NLRP13: variants seen among roughly 807,000 people sequenced by gnomAD.
NLRP13 encodes NLR family pyrin domain containing 13.
In NLRP13, 82 loss-of-function variants were observed where a neutral mutation model predicts 94.4. The observed-to-expected ratio is 0.87, with a 90% CI of 0.73 to 1.04. NLRP13 has a LOEUF of 1.04. Among genes scored for constraint, NLRP13 ranks in the 50% least tolerant of loss-of-function variants. The pLI, the probability that NLRP13 is intolerant of heterozygous loss-of-function variation, is 0.00. For synonymous variants in NLRP13, 553 were observed against 464.7 expected (o/e 1.19, Z -2.45); for missense variants, 1,426 against 1,230.8 (o/e 1.16, Z -2.37).
intron 1 of NLRP13, among the ~76,000 whole-genome samples, chr19:55,930,104 C>T (rs935989544): frequency 6.6e-6 from 1 of 152,116 alleles, no homozygotes; most frequent in Non-Finnish European, 1.5e-5. Context: ...CCGCATGCCC[C>T]GTGTCCAGGG....
chr19:55,897,790 TGAGGTGGCTGGTAAACCCCAACAATGCTG>T (rs1233983182), intron 10 of NLRP13, among the ~76,000 whole-genome samples: 1 of 152,164 alleles, frequency 6.6e-6, no homozygotes, highest in Non-Finnish European at 1.5e-5. Flanking sequence ...AATAGAGGTT[TGAGGTGGCTGGTAAACCCCAACAATGCTG>T]GAGGTGGTTT....
chr19:55,896,923 A>T (rs961233435), intron 10 of NLRP13, among the ~76,000 whole-genome samples: 4 of 152,002 alleles, frequency 2.6e-5, no homozygotes, highest in Non-Finnish European at 5.9e-5. Flanking sequence ...CCATCTATCA[A>T]TCTTATCAAA....
intron 3 of NLRP13, 105 bp downstream of exon 3, chr19:55,924,485 T>C (rs932907161): frequency 2.5e-6 from 2 of 784,706 alleles, no homozygotes; most frequent in Admixed American, 2.2e-5. Context: ...TAATTTTTTA[T>C]GTACCATAAA....
At chr19:55,900,607 T>TAA (rs3073242) in intron 9 of NLRP13, among the ~76,000 whole-genome samples, 81,148 of 148,406 alleles carry the variant, frequency 0.55, 22,685 homozygotes, top group Middle Eastern at 0.7. Context: ...CCATCTGTAC[T>TAA]AAAAAAAAAA....
rs141648586 is a variant in NLRP13 at position 55,913,304 on chromosome 19, C to T, written c.524-11G>A. On this transcript the variant is annotated splice_polypyrimidine_tract_variant and intron_variant, in intron 4 of 10. Coordinates refer to ENST00000342929, the MANE Select transcript of NLRP13 (RefSeq NM_176810.2). ...ATTTTCTTCTGTGGTCTAGAGAGGGCGGAGTGGGGAGAAGAATGGTAAGAA... is the reference window on the plus strand; with the variant it reads ...ATTTTCTTCTGTGGTCTAGAGAGGGTGGAGTGGGGAGAAGAATGGTAAGAA... 4.1e-4 allele frequency: 657 copies of T among 1,605,416 alleles called. No individual in the cohort carries two copies. The African/African-American group carries it at 6.7e-3, about 16-fold the overall frequency.
intron 1 of NLRP13, among the ~76,000 whole-genome samples, chr19:55,931,468 G>A (rs1261026371): frequency 2.0e-5 from 3 of 151,924 alleles, no homozygotes; most frequent in East Asian, 3.9e-4. Flanking sequence ...CAGTGCTTTG[G>A]GAGGTCGAGG....
intron 5 of NLRP13, among the ~76,000 whole-genome samples, chr19:55,911,087 C>A (rs1986496636): frequency 6.6e-6 from 1 of 152,200 alleles, no homozygotes; most frequent in South Asian, 2.1e-4. Flanking sequence ...CCCCTAGCTT[C>A]CATGATCCAC....
At chr19:55,894,043 C>CTTTTTTTTT (rs36039690), downstream of NLRP13, among the ~76,000 whole-genome samples, 1 of 112,930 alleles carries the variant, frequency 8.9e-6, no homozygotes, top group African/African-American at 3.6e-5. Flanking sequence ...CATGCCCCAA[C>CTTTTTTTTT]TTTTTTTTTT....
Position 55,911,809 on chromosome 19 carries a change from C to A in NLRP13, c.2008G>T (p.Glu670Ter). ...EVDLNILEDEELQASSFCLKH... is the reference protein window; with the variant it reads ...EVDLNILEDE Reference sequence around the variant, plus strand: ...AGGCAAAATGAAGAAGCTTGGAGTTCTTCGTCCTCCAAAATATTAAGGTCA... The same window carrying A: ...AGGCAAAATGAAGAAGCTTGGAGTTATTCGTCCTCCAAAATATTAAGGTCA... Residue 670 changes from glutamate (E) to a stop codon, truncating the protein, a stop_gained, in exon 5 of 11, where the codon GAA becomes TAA. Coordinates refer to ENST00000342929, the MANE Select transcript of NLRP13 (RefSeq NM_176810.2). LOFTEE classifies it high-confidence loss of function. 1 of 1,614,136 alleles carries A rather than the reference C, an allele frequency of 6.2e-7. No individual in the cohort carries two copies. The highest frequency in any genetic ancestry group is 8.5e-7 in the Non-Finnish European group (1 of 1,179,994).
At position 55,914,652 on chromosome 19, in the gene NLRP13, A is replaced by T. The variant is rs1986632747; in HGVS notation, c.524-1359T>A. Among the ~76,000 whole-genome samples, 4 of 152,338 alleles carry T rather than the reference A, an allele frequency of 2.6e-5. No individual in the cohort carries two copies. The South Asian group carries it at 8.3e-4, about 32-fold the overall frequency. On this transcript the variant is annotated intron_variant, in intron 4 of 10. Transcript: ENST00000342929. ...ATCCCATATATTAGTGAGATGGGGC[A>T]GTAATTGCCTTTTTGTGCCTGACTT...
chr19:55,928,274 AC>A (rs1987019420), intron 1 of NLRP13, among the ~76,000 whole-genome samples: 1 of 152,196 alleles, frequency 6.6e-6, no homozygotes, highest in South Asian at 2.1e-4. Context: ...GCAACAAGAA[AC>A]AAAGGATAAA....
At chr19:55,917,681 A>G (rs1986705519) in intron 4 of NLRP13, among the ~76,000 whole-genome samples, 1 of 152,080 alleles carries the variant, frequency 6.6e-6, no homozygotes, top group African/African-American at 2.4e-5. Context: ...AAAGGCAAAG[A>G]AGATTTTTAT....
rs535450227 is a variant in NLRP13, at chr19:55,913,089, G to T, written c.728C>A (p.Thr243Asn). 1.5e-5 allele frequency: 25 copies of T among 1,614,024 alleles called. No homozygotes were observed. Among genetic ancestry groups the T allele is most frequent in the Non-Finnish European group, 2.0e-5 (24 of 1,180,038 alleles). The change falls in exon 5 of 11, where the codon ACC becomes AAC. Residue 243 changes from threonine to asparagine, a missense_variant. Thr to Asn is a moderately conservative substitution (Grantham distance 65). Coordinates refer to ENST00000342929, the MANE Select transcript of NLRP13 (RefSeq NM_176810.2). ...LVGRAGVGKT[T>N]LAMQAMLHWA... ...GTGCAGCATAGCCTGCATTGCCAAGGTGGTCTTCCCAACCCCTGCCCTCCC... is the reference window on the plus strand; with the variant it reads ...GTGCAGCATAGCCTGCATTGCCAAGTTGGTCTTCCCAACCCCTGCCCTCCC...
Position 55,924,642 on chromosome 19 carries a change from C to G in NLRP13, c.405G>C (p.Gln135His). The G allele has an allele frequency of 6.2e-7, 1 of 1,613,430 alleles. No individual in the cohort carries two copies. The highest frequency in any genetic ancestry group is 8.5e-7 in the Non-Finnish European group (1 of 1,179,590). ...LEAAAGNMQT[Q>H]GCQDPNQEEL... ...CTTCTTGGTTTGGATCTTGGCATCC[C>G]TGGGTCTGCATATTCCCTGAAATAA... Residue 135 changes from glutamine (Q) to histidine (H), a missense_variant, in exon 3 of 11, where the codon CAG (glutamine) becomes CAC (histidine). Coordinates refer to ENST00000342929, the MANE Select transcript of NLRP13 (RefSeq NM_176810.2).
chr19:55,904,945 A>T lies in NLRP13; in HGVS notation c.2615T>A (p.Leu872Gln). The stretch of plus-strand genomic sequence containing the variant: ...AATGGAAGTAGGGAAAACTTACTCC[A>T]GTCTCTCTAAGGCACACTTGGGGTG... Reference protein sequence around the residue: ...LTHPKCALERLELWFCQLAAP... With the variant: ...LTHPKCALERQELWFCQLAAP... The change falls in exon 8 of 11, where the codon CTG (leucine) becomes CAG (glutamine). Residue 872 changes from leucine to glutamine, a missense_variant. Transcript: ENST00000342929. The T allele has an allele frequency of 6.2e-7, 1 of 1,611,054 alleles. No homozygotes were observed. The highest frequency in any genetic ancestry group is 1.1e-5 in the South Asian group (1 of 90,896).
chr19:55,917,381 C>T (rs1465711947), intron 4 of NLRP13, among the ~76,000 whole-genome samples: 2 of 151,844 alleles, frequency 1.3e-5, no homozygotes, highest in African/African-American at 4.8e-5. Flanking sequence ...AAAAAATCTG[C>T]AAAGCAAATG....
At chr19:55,895,796 C>G, downstream of NLRP13, 1 of 792,214 alleles carries the variant, frequency 1.3e-6, no homozygotes, top group Non-Finnish European at 2.0e-6. Flanking sequence ...GTGCACAGCA[C>G]AGAGATCACT....
rs763977890 is a variant in NLRP13, at chr19:55,911,880, T to G, written c.1937A>C (p.Gln646Pro). 6.2e-7 allele frequency: 1 copy of G among 1,614,212 alleles called. No homozygotes were observed. Among genetic ancestry groups the G allele is most frequent in the Non-Finnish European group, 8.5e-7 (1 of 1,180,022 alleles). Residue 646 changes from glutamine to proline, a missense_variant, in exon 5 of 11, where the codon CAG (glutamine) becomes CCG (proline). Gln to Pro is a moderately conservative substitution (Grantham distance 76). Transcript: ENST00000342929. ...CATCTTCTTTGTGAAGTCTTCCTCC[T>G]GGGACTCGTGTAGGCAGTGAAAAAG... ...LRLFHCLHESQEEDFTKKMLG... is the reference protein window; with the variant it reads ...LRLFHCLHESPEEDFTKKMLG...
At position 55,932,078 on chromosome 19, in the gene NLRP13, T is replaced by C. The variant is rs1987161649; in HGVS notation, c.234A>G (p.Lys78=). The change falls in exon 1 of 11, where the codon AAA becomes AAG. Residue 78 remains lysine, a synonymous_variant. Coordinates refer to ENST00000342929, the MANE Select transcript of NLRP13 (RefSeq NM_176810.2). ...LSFLLDEHFP[K]GQAWKVVLGI... ...CGAGGACCACTTTCCATGCCTGACC[T>C]TTTGGGAAGTGTTCATCCAAAAGAA... is the stretch of plus-strand genomic sequence containing the variant. The C allele has an allele frequency of 6.2e-7, 1 of 1,614,070 alleles. No homozygotes were observed. The highest frequency in any genetic ancestry group is 1.7e-5 in the Admixed American group (1 of 60,002).
Sources: allele counts gnomAD v4.1 joint callset (sites outside exome capture counted in the v4.1 genomes callset), GRCh38; gene constraint gnomAD v4.1.1; transcripts MANE v1.5; gene names NCBI Gene and HGNC (gene_info 2026-07-23, HGNC 2026-07-21).